The following SERAC1 variants were observed in gnomAD, a reference collection of about 807,000 sequenced individuals.
The protein encoded by SERAC1 is serine active site containing 1.
A neutral mutation model predicts 85.7 loss-of-function variants in SERAC1; 36 were observed. That is an observed-to-expected ratio of 0.42 (90% CI 0.32 to 0.55). The LOEUF (loss-of-function observed/expected upper bound fraction) is 0.55. Ranked by LOEUF, SERAC1 falls within the 20% of genes least tolerant of loss-of-function variation. The probability of loss-of-function intolerance (pLI) is 0.11; values close to 1 mark genes in which losing one functional copy is unlikely to be tolerated. For missense variants in SERAC1, 629 were observed against 796.2 expected (o/e 0.79, Z 2.53); for synonymous variants, 242 against 265.3 (o/e 0.91, Z 0.85).
At chr6:158,131,887 G>T (rs1784686693) in intron 8 of SERAC1, among the ~76,000 whole-genome samples, 1 of 152,166 alleles carries the variant, frequency 6.6e-6, no homozygotes, top group African/African-American at 2.4e-5. Context: ...GGAATGCCAT[G>T]CCGGTCTGAA....
chr6:158,165,733 C>G (rs1310465741), intron 1 of SERAC1, among the ~76,000 whole-genome samples: 1 of 152,164 alleles, frequency 6.6e-6, no homozygotes, highest in Non-Finnish European at 1.5e-5. Flanking sequence ...GCCCTTGATT[C>G]CTTGTTTTCC....
intron 3 of SERAC1, among the ~76,000 whole-genome samples, chr6:158,154,497 G>A (rs1027208449): frequency 2.0e-5 from 3 of 151,834 alleles, no homozygotes; most frequent in Non-Finnish European, 4.4e-5. Flanking sequence ...TTATCATTTC[G>A]GCATCTGAGA....
chr6:158,145,311 G>T (rs990829324), intron 6 of SERAC1: 3 of 152,070 alleles, frequency 2.0e-5, no homozygotes, highest in Non-Finnish European at 2.9e-5. Context: ...CAAAATCTGT[G>T]GGCCAGGGCA....
intron 10 of SERAC1, among the ~76,000 whole-genome samples, chr6:158,126,552 G>T (rs796382736): frequency 6.6e-6 from 1 of 152,118 alleles, no homozygotes; most frequent in Non-Finnish European, 1.5e-5. Flanking sequence ...ATGCTAAAAA[G>T]TAACTGCAGA....
intron 8 of SERAC1, among the ~76,000 whole-genome samples, chr6:158,133,460 G>A (rs577180814): frequency 3.7e-5 from 5 of 136,062 alleles, no homozygotes; most frequent in African/African-American, 1.1e-4. Flanking sequence ...ATCTCAGCTC[G>A]CTGCAAGCTC....
At chr6:158,151,707 G>A (rs1216003131) in intron 3 of SERAC1, among the ~76,000 whole-genome samples, 1 of 152,166 alleles carries the variant, frequency 6.6e-6, no homozygotes, top group East Asian at 1.9e-4. Flanking sequence ...TTACAGGCGT[G>A]AGCTGCCGCG....
chr6:158,126,067 T>C (rs927642879), intron 10 of SERAC1, among the ~76,000 whole-genome samples: 5 of 152,206 alleles, frequency 3.3e-5, no homozygotes, highest in Non-Finnish European at 7.3e-5. Context: ...ATATCTTCCA[T>C]CCCACAACAC....
intron 1 of SERAC1, chr6:158,161,622 A>G (rs1785490028): frequency 6.6e-6 from 1 of 151,846 alleles, no homozygotes; most frequent in South Asian, 2.1e-4. Flanking sequence ...AACTTGTATT[A>G]GTAATTTTTT....
At chr6:158,131,446 TATA>T (rs1217510092) in intron 8 of SERAC1, among the ~76,000 whole-genome samples, 67 of 141,928 alleles carry the variant, frequency 4.7e-4, no homozygotes, top group Admixed American at 7.1e-4. Context: ...TATTTCTAAA[TATA>T]ATTCATTATA....
At position 158,118,974 on chromosome 6, in the gene SERAC1, G is replaced by A. The variant is rs943120450; in HGVS notation, c.1308+55C>T. ...GAGAAAAACAAGCAAGCCACAATCA[G>A]GGCCCCAGCAACCAGGGCCCCAGCA... On this transcript the variant is annotated intron_variant, in intron 12 of 16. Transcript: ENST00000647468. The A allele has an allele frequency of 7.7e-6, 12 of 1,565,720 alleles. No individual in the cohort carries two copies. The Admixed American group carries it at 1.1e-4, about 15-fold the overall frequency.
At chr6:158,136,674 T>C (rs1784801207) in intron 8 of SERAC1, among the ~76,000 whole-genome samples, 1 of 152,106 alleles carries the variant, frequency 6.6e-6, no homozygotes, top group Admixed American at 6.6e-5. Context: ...AGCAGTTTTA[T>C]ATAGAAACAG....
At position 158,148,656 on chromosome 6, in the gene SERAC1, T is replaced by C. The variant is rs1274017564; in HGVS notation, c.355+209A>G. 2.0e-5 allele frequency among the ~76,000 whole-genome samples: 3 copies of C among 152,262 alleles called. No homozygotes were observed. In the East Asian group the frequency reaches 5.8e-4, roughly 29 times the overall value. ...CAGGGTTTCACCATGTTAGCCAGGC[T>C]GGTTTCAAACTCCTGACCTCAGGTG... On this transcript the variant is annotated intron_variant, in intron 5 of 16. Transcript: ENST00000647468.
chr6:158,158,343 G>C lies in SERAC1; in HGVS notation c.21C>G (p.Cys7Trp), dbSNP rs139301835. The C allele has an allele frequency of 5.3e-4, 860 of 1,613,298 alleles. 1 individual carries two copies. The highest frequency in any genetic ancestry group is 1.7e-3 in the South Asian group (152 of 91,044). MSLAAY[C>W]VICCRRIGTS... ...TTCCTATTCTTCTGCAACAGATGAC[G>C]CAATAAGCAGCCAGGGACATTCTGT... Residue 7 changes from cysteine (C) to tryptophan (W), a missense_variant, in exon 2 of 17, where the codon TGC becomes TGG. Cys to Trp is a radical substitution (Grantham distance 215, BLOSUM62 -2). Coordinates refer to ENST00000647468, the MANE Select transcript of SERAC1 (RefSeq NM_032861.4).
chr6:158,132,329 T>C (rs1037110928), intron 8 of SERAC1, among the ~76,000 whole-genome samples: 11 of 152,200 alleles, frequency 7.2e-5, no homozygotes, highest in Non-Finnish European at 1.3e-4. Context: ...TGCCTTCTTC[T>C]CGTATATAAT....
intron 1 of SERAC1, among the ~76,000 whole-genome samples, chr6:158,165,160 G>C (rs1341819902): frequency 1.3e-5 from 2 of 151,274 alleles, no homozygotes; most frequent in African/African-American, 2.4e-5. Flanking sequence ...TTTGTTTTTT[G>C]GTTTTTTTTT....
At chr6:158,158,434 G>T in intron 1 of SERAC1, 70 bp from the exon 2 acceptor site, 2 of 1,180,056 alleles carry the variant, frequency 1.7e-6, no homozygotes, top group Non-Finnish European at 2.5e-6. Context: ...TTAACTACAA[G>T]AACATGTTAC....
At chr6:158,159,623 A>G (rs1392700209) in intron 1 of SERAC1, among the ~76,000 whole-genome samples, 1 of 146,056 alleles carries the variant, frequency 6.8e-6, no homozygotes, top group African/African-American at 2.5e-5. Flanking sequence ...ACTTTTTAAG[A>G]TTATCTTTTT....
chr6:158,158,747 T>A (rs566252222), intron 1 of SERAC1: 1 of 162,850 alleles, frequency 6.1e-6, no homozygotes, highest in South Asian at 1.6e-4. Context: ...TGAAAATATA[T>A]GTATATATGT....
chr6:158,132,343 A>AT (rs1490603371), intron 8 of SERAC1, among the ~76,000 whole-genome samples: 1 of 151,978 alleles, frequency 6.6e-6, no homozygotes, highest in African/African-American at 2.4e-5. Flanking sequence ...ATATAATATT[A>AT]TTTTTTTCTA....
Sources: gnomAD v4.1 joint callset for allele counts (sites outside exome capture counted in the v4.1 genomes callset) on GRCh38, gnomAD v4.1.1 for gene constraint, MANE v1.5 for transcripts, NCBI Gene and HGNC (gene_info 2026-07-23, HGNC 2026-07-21) for gene names.